The following RBFOX1 variants were observed in gnomAD, a reference collection of about 807,000 sequenced individuals.
RBFOX1 encodes RNA binding fox-1 homolog 1, also known as RNA binding protein fox-1 homolog 1.
RBFOX1 carries 8 observed loss-of-function variants against 57.7 expected under a neutral mutation model. That is an observed-to-expected ratio of 0.14 (90% CI 0.08 to 0.25). The LOEUF (loss-of-function observed/expected upper bound fraction) is 0.25. RBFOX1 is among the 10% of genes least tolerant of loss of function. The pLI, the probability that RBFOX1 is intolerant of heterozygous loss-of-function variation, is 1.00. For missense variants in RBFOX1, 611 were observed against 548.5 expected (o/e 1.11, Z -1.14); for synonymous variants, 326 against 222.4 (o/e 1.47, Z -4.15).
intron 4 of RBFOX1, among the ~76,000 whole-genome samples, chr16:7,163,205 G>C (rs1204933244): frequency 6.6e-6 from 1 of 152,132 alleles, no homozygotes; most frequent in Admixed American, 6.6e-5. Context: ...ACTTGCCTGA[G>C]TTAAAGCAGG....
At chr16:5,489,763 C>T (rs1310607244) in intron 2 of RBFOX1, among the ~76,000 whole-genome samples, 1 of 152,212 alleles carries the variant, frequency 6.6e-6, no homozygotes, top group East Asian at 1.9e-4. Context: ...ATAGCTGTCT[C>T]TCCAAGAGGG....
intron 3 of RBFOX1, among the ~76,000 whole-genome samples, chr16:5,797,047 A>C (rs2054902471): frequency 6.6e-6 from 1 of 152,220 alleles, no homozygotes; most frequent in Non-Finnish European, 1.5e-5. Flanking sequence ...TGCCATAAAG[A>C]AAATTAAATG....
intron 3 of RBFOX1, among the ~76,000 whole-genome samples, chr16:6,876,519 A>G (rs555662560): frequency 2.6e-5 from 4 of 152,300 alleles, no homozygotes; most frequent in Non-Finnish European, 4.4e-5. Context: ...AGCACACAGT[A>G]GGCATTTAAT....
At chr16:6,925,354 A>T (rs1284921425) in intron 3 of RBFOX1, among the ~76,000 whole-genome samples, 1 of 150,946 alleles carries the variant, frequency 6.6e-6, no homozygotes, top group Non-Finnish European at 1.5e-5. Context: ...TGAACTCCTG[A>T]CCTCAGGCGA....
intron 3 of RBFOX1, among the ~76,000 whole-genome samples, chr16:5,688,481 T>C (rs1307145528): frequency 1.3e-5 from 2 of 152,162 alleles, no homozygotes; most frequent in Non-Finnish European, 2.9e-5. Flanking sequence ...GAACGATGCA[T>C]TTCCTATTTG....
intron 4 of RBFOX1, among the ~76,000 whole-genome samples, chr16:7,478,582 G>A (rs963454617): frequency 6.6e-6 from 1 of 152,170 alleles, no homozygotes; most frequent in Non-Finnish European, 1.5e-5. Flanking sequence ...ACACCTCACA[G>A]TGAGATGATT....
chr16:5,259,614 G>A (rs1197258232), intron 1 of RBFOX1, among the ~76,000 whole-genome samples: 1 of 152,184 alleles, frequency 6.6e-6, no homozygotes, highest in Non-Finnish European at 1.5e-5. Context: ...GGAGGCCAGC[G>A]TGTGTTGGTA....
At chr16:6,820,846 A>T (rs1329004118) in intron 3 of RBFOX1, among the ~76,000 whole-genome samples, 2 of 152,172 alleles carry the variant, frequency 1.3e-5, no homozygotes, top group Non-Finnish European at 2.9e-5. Context: ...GCCATGTAGA[A>T]GTTAATTATT....
At chr16:6,761,557 G>C (rs953325228) in intron 3 of RBFOX1, among the ~76,000 whole-genome samples, 38 of 127,438 alleles carry the variant, frequency 3.0e-4, no homozygotes, top group Admixed American at 1.5e-3. Context: ...ACCCAGGCTG[G>C]AGTGCAGTGG....
chr16:6,931,273 C>G (rs561551975), intron 3 of RBFOX1, among the ~76,000 whole-genome samples: 2 of 121,520 alleles, frequency 1.6e-5, no homozygotes, highest in East Asian at 2.6e-4. Context: ...AAAAAAAAAT[C>G]TATCTATCTG....
intron 1 of RBFOX1, among the ~76,000 whole-genome samples, chr16:6,239,418 G>A (rs367989528): frequency 4.7e-5 from 7 of 149,974 alleles, no homozygotes; most frequent in African/African-American, 1.5e-4. Flanking sequence ...CCGTCCCATG[G>A]CACTCATGGC....
intron 3 of RBFOX1, among the ~76,000 whole-genome samples, chr16:6,720,909 C>T (rs954433191): frequency 6.6e-6 from 1 of 152,092 alleles, no homozygotes; most frequent in African/African-American, 2.4e-5. Context: ...CATGATGCTA[C>T]CATGTTATTA....
At chr16:7,504,945 C>A (rs1010259105) in intron 4 of RBFOX1, among the ~76,000 whole-genome samples, 1 of 148,624 alleles carries the variant, frequency 6.7e-6, no homozygotes, top group African/African-American at 2.5e-5. Flanking sequence ...CAGGTGAAGC[C>A]CTACGCAGCA....
At chr16:5,620,448 C>G (rs558224946) in intron 3 of RBFOX1, among the ~76,000 whole-genome samples, 1 of 152,196 alleles carries the variant, frequency 6.6e-6, no homozygotes, top group Non-Finnish European at 1.5e-5. Flanking sequence ...ATCACCCAGA[C>G]TGATCGCTTC....
rs78829075 is a variant in RBFOX1, at chr16:6,881,388, A to G, written c.-15-170669A>G. The stretch of plus-strand genomic sequence containing the variant: ...AACAGTTACTCTCACAGTTCTGCAG[A>G]CTAGAAGTCCAGAATGAAGGTGTTG... On this transcript the variant is annotated intron_variant, in intron 3 of 15. Coordinates refer to ENST00000550418, the MANE Select transcript of RBFOX1 (RefSeq NM_018723.4). Among the ~76,000 whole-genome samples the G allele has an allele frequency of 1.5e-3, 236 of 152,284 alleles. 7 individuals are homozygous for G. In the East Asian group the frequency reaches 0.041, roughly 26 times the overall value.
chr16:5,843,197 C>G (rs571831939), intron 3 of RBFOX1, among the ~76,000 whole-genome samples: 1 of 152,206 alleles, frequency 6.6e-6, no homozygotes, highest in Non-Finnish European at 1.5e-5. Flanking sequence ...TAAGTAAACT[C>G]ACGTCTCAGG....
intron 3 of RBFOX1, among the ~76,000 whole-genome samples, chr16:6,685,769 C>G (rs903950540): frequency 6.6e-6 from 1 of 152,118 alleles, no homozygotes; most frequent in Non-Finnish European, 1.5e-5. Context: ...CTTTTTCCCT[C>G]CAAGCACCTG....
At chr16:7,535,634 G>T (rs2152420082) in intron 5 of RBFOX1, among the ~76,000 whole-genome samples, 1 of 152,244 alleles carries the variant, frequency 6.6e-6, no homozygotes, top group East Asian at 1.9e-4. Flanking sequence ...AACTAGAGTT[G>T]GTTCTTCCTT....
intron 3 of RBFOX1, among the ~76,000 whole-genome samples, chr16:6,954,550 C>G (rs1302617144): frequency 6.6e-6 from 1 of 152,134 alleles, no homozygotes; most frequent in Non-Finnish European, 1.5e-5. Context: ...ACTGTCCTCA[C>G]CTGTTGTCCA....
Sources: gnomAD v4.1 joint callset for allele counts (sites outside exome capture counted in the v4.1 genomes callset) on GRCh38, gnomAD v4.1.1 for gene constraint, MANE v1.5 for transcripts, NCBI Gene and HGNC (gene_info 2026-07-23, HGNC 2026-07-21) for gene names.